Variants in ERC2 observed in about 807,000 individuals in gnomAD.
ERC2 encodes the protein ELKS/RAB6-interacting/CAST family member 2, also known as ERC protein 2.
A neutral mutation model predicts 114.8 loss-of-function variants in ERC2; 42 were observed. That is an observed-to-expected ratio of 0.37 (90% CI 0.29 to 0.47). The LOEUF (loss-of-function observed/expected upper bound fraction) is 0.47. Among genes scored for constraint, ERC2 ranks in the 20% least tolerant of loss-of-function variants. The pLI is 0.99. For synonymous variants in ERC2, 454 were observed against 425.5 expected, an observed-to-expected ratio of 1.07 and a Z score of -0.82; for missense variants, 939 against 1,150.7, an observed-to-expected ratio of 0.82 and a Z score of 2.66.
intron 13 of ERC2, among the ~76,000 whole-genome samples, chr3:55,936,635 C>T (rs920419212): frequency 6.6e-6 from 1 of 152,118 alleles, no homozygotes. Flanking sequence ...AACCTTCTAG[C>T]TAAGGGACCA....
At chr3:56,262,955 A>T (rs960249180) in intron 3 of ERC2, among the ~76,000 whole-genome samples, 1 of 152,178 alleles carries the variant, frequency 6.6e-6, no homozygotes, top group Non-Finnish European at 1.5e-5. Flanking sequence ...TATCCTCTTA[A>T]TACCCACATA....
intron 2 of ERC2, among the ~76,000 whole-genome samples, chr3:56,383,256 C>T (rs2059817828): frequency 6.6e-6 from 1 of 152,114 alleles, no homozygotes. Flanking sequence ...AACATCCCAT[C>T]GCCCTTCTAT....
chr3:55,908,415 A>G (rs2064594882), intron 13 of ERC2, among the ~76,000 whole-genome samples: 2 of 152,084 alleles, frequency 1.3e-5, no homozygotes, highest in South Asian at 4.1e-4. Context: ...GGGCTGGGAC[A>G]GGGAGGCAGG....
At chr3:56,154,504 G>C (rs1324185456) in intron 4 of ERC2, among the ~76,000 whole-genome samples, 1 of 152,064 alleles carries the variant, frequency 6.6e-6, no homozygotes, top group African/African-American at 2.4e-5. Context: ...CATCCTTCCT[G>C]TCATCCTGTC....
Position 55,610,060 on chromosome 3 carries a change from C to CAAA in ERC2, c.*39+73731_*39+73733dup, listed in dbSNP as rs1172154104. ...AGAGAAAGCAAAAAACAAACAAACA[C>CAAA]AAACAAAAAAAAAAAAAAAAAAAAC... On this transcript the variant is annotated intron_variant, in intron 17 of 17. Coordinates refer to ENST00000288221, the MANE Select transcript of ERC2 (RefSeq NM_015576.3). Among the ~76,000 whole-genome samples the CAAA allele has an allele frequency of 3.4e-3, 172 of 50,346 alleles. 5 individuals carry two copies. The highest frequency in any genetic ancestry group is 6.5e-3 in the East Asian group (10 of 1,540). 33.0% of individuals were successfully genotyped at this position (50,346 alleles called of 152,430 possible).
chr3:55,767,806 C>T (rs1027190731), intron 14 of ERC2, among the ~76,000 whole-genome samples: 2 of 152,142 alleles, frequency 1.3e-5, no homozygotes, highest in Non-Finnish European at 2.9e-5. Flanking sequence ...AAGCTATGAA[C>T]GTTCTCGTTA....
chr3:56,137,800 C>G (rs906419896), intron 6 of ERC2, among the ~76,000 whole-genome samples: 1 of 152,176 alleles, frequency 6.6e-6, no homozygotes, highest in Non-Finnish European at 1.5e-5. Flanking sequence ...ACTGTTAGTA[C>G]TTGATATGTG....
intron 16 of ERC2, among the ~76,000 whole-genome samples, chr3:55,684,833 A>G (rs988139584): frequency 6.6e-6 from 1 of 152,196 alleles, no homozygotes; most frequent in Non-Finnish European, 1.5e-5. Flanking sequence ...ACATAGTTTG[A>G]GAGCTGTGCC....
At chr3:55,988,122 AAATAAAACTC>A (rs2070773774) in intron 11 of ERC2, among the ~76,000 whole-genome samples, 1 of 152,208 alleles carries the variant, frequency 6.6e-6, no homozygotes, top group South Asian at 2.1e-4. Flanking sequence ...CTGAAACTCT[AAATAAAACTC>A]AGAGACCTTG....
chr3:55,948,823 A>G (rs2149440663), intron 13 of ERC2, among the ~76,000 whole-genome samples: 1 of 152,372 alleles, frequency 6.6e-6, no homozygotes, highest in Middle Eastern at 3.4e-3. Flanking sequence ...TTAGAACTGT[A>G]GAAATACCTC....
chr3:55,861,009 TC>T (rs2062004023), intron 14 of ERC2, among the ~76,000 whole-genome samples: 1 of 152,106 alleles, frequency 6.6e-6, no homozygotes, highest in Non-Finnish European at 1.5e-5. Flanking sequence ...AAAACTAATT[TC>T]CCCCAAATAG....
chr3:56,326,655 T>C (rs1413111694), intron 2 of ERC2, among the ~76,000 whole-genome samples: 1 of 152,218 alleles, frequency 6.6e-6, no homozygotes, highest in East Asian at 1.9e-4. Flanking sequence ...CTGCTGCCTT[T>C]GGCCATTTCT....
chr3:55,868,424 G>A (rs1993539), intron 14 of ERC2, among the ~76,000 whole-genome samples: 26,601 of 152,178 alleles, frequency 0.17, 2,723 homozygotes, highest in African/African-American at 0.26. Flanking sequence ...GTGCCATTGA[G>A]GCCGAAGTGA....
chr3:55,968,944 G>T (rs151147274), intron 12 of ERC2, among the ~76,000 whole-genome samples: 1 of 151,930 alleles, frequency 6.6e-6, no homozygotes, highest in Non-Finnish European at 1.5e-5. Context: ...TACATAAAGG[G>T]GTCTATTCTA....
intron 17 of ERC2, among the ~76,000 whole-genome samples, chr3:55,553,414 A>C (rs575488620): frequency 1.4e-3 from 216 of 152,192 alleles, no homozygotes; most frequent in African/African-American, 5.1e-3. Context: ...ATTTTATTTA[A>C]TCTTCACAAG....
intron 17 of ERC2, among the ~76,000 whole-genome samples, chr3:55,604,213 G>A (rs1361540412): frequency 2.6e-5 from 4 of 152,088 alleles, no homozygotes; most frequent in Non-Finnish European, 5.9e-5. Context: ...TCTGTGTGAA[G>A]TCAGTGTGTG....
At chr3:56,020,995 T>C (rs557197571) in intron 7 of ERC2, among the ~76,000 whole-genome samples, 1 of 152,180 alleles carries the variant, frequency 6.6e-6, no homozygotes, top group Non-Finnish European at 1.5e-5. Flanking sequence ...AGACATGCGA[T>C]CTGTTTATCT....
chr3:55,903,713 C>G (rs1263435725), intron 13 of ERC2, among the ~76,000 whole-genome samples: 1 of 152,212 alleles, frequency 6.6e-6, no homozygotes, highest in Non-Finnish European at 1.5e-5. Flanking sequence ...GGACTAAAAA[C>G]AATTAGGCTG....
chr3:56,237,021 C>T (rs926430754), intron 3 of ERC2, among the ~76,000 whole-genome samples: 1 of 152,196 alleles, frequency 6.6e-6, no homozygotes, highest in Non-Finnish European at 1.5e-5. Flanking sequence ...CATCCAGCTG[C>T]AGAATTTGAG....
Sources: gnomAD v4.1 joint callset for allele counts (sites outside exome capture counted in the v4.1 genomes callset) on GRCh38, gnomAD v4.1.1 for gene constraint, MANE v1.5 for transcripts, NCBI Gene and HGNC (gene_info 2026-07-23, HGNC 2026-07-21) for gene names.